The following PTGFR variants were observed in gnomAD, a reference collection of about 807,000 sequenced individuals.
PTGFR encodes the protein prostaglandin F receptor.
Under a neutral mutation model 26.2 loss-of-function variants are expected in PTGFR, and 15 were observed. The observed-to-expected ratio is 0.57, with a 90% confidence interval of 0.38 to 0.88. The LOEUF (loss-of-function observed/expected upper bound fraction) is 0.88, where lower values mean the gene tolerates loss of function less well. PTGFR is among the 40% of genes least tolerant of loss of function. The pLI, the probability that PTGFR is intolerant of heterozygous loss-of-function variation, is 0.00. For missense variants in PTGFR, 369 were observed against 427.2 expected (o/e 0.86, Z 1.20); for synonymous variants, 165 against 151.1 (o/e 1.09, Z -0.68).
intron 2 of PTGFR, among the ~76,000 whole-genome samples, chr1:78,535,285 G>A (rs1027470109): frequency 2.6e-5 from 4 of 152,078 alleles, no homozygotes; most frequent in Non-Finnish European, 5.9e-5. Flanking sequence ...GAATTTGCAG[G>A]GGAGATGAGA....
intron 2 of PTGFR, among the ~76,000 whole-genome samples, chr1:78,517,088 C>T (rs1650104786): frequency 6.6e-6 from 1 of 152,008 alleles, no homozygotes; most frequent in South Asian, 2.1e-4. Flanking sequence ...TTTTAAAGAG[C>T]CAAAGATAGA....
intron 2 of PTGFR, among the ~76,000 whole-genome samples, chr1:78,532,682 C>T (rs751447913): frequency 6.6e-6 from 1 of 151,680 alleles, no homozygotes; most frequent in Middle Eastern, 3.4e-3. Context: ...ATTCTCGTGC[C>T]TCAGCCTCCT....
At chr1:78,518,858 C>A (rs1650158146) in intron 2 of PTGFR, among the ~76,000 whole-genome samples, 1 of 151,944 alleles carries the variant, frequency 6.6e-6, no homozygotes, top group Non-Finnish European at 1.5e-5. Context: ...AAATCGAGTA[C>A]CCTGCAGAAG....
At chr1:78,501,699 G>A (rs1649710274) in intron 2 of PTGFR, among the ~76,000 whole-genome samples, 1 of 152,182 alleles carries the variant, frequency 6.6e-6, no homozygotes, top group African/African-American at 2.4e-5. Context: ...ATAGTCCCAA[G>A]TCAAGTCTTC....
At chr1:78,495,115 T>A (rs1259148823) in intron 2 of PTGFR, among the ~76,000 whole-genome samples, 1 of 152,222 alleles carries the variant, frequency 6.6e-6, no homozygotes, top group African/African-American at 2.4e-5. Flanking sequence ...ATATTTTTTG[T>A]GTTGTTCCTG....
chr1:78,511,220 C>T (rs998087146), intron 2 of PTGFR, among the ~76,000 whole-genome samples: 1 of 152,192 alleles, frequency 6.6e-6, no homozygotes, highest in Non-Finnish European at 1.5e-5. Flanking sequence ...GGGCTCCAAC[C>T]CAAAACTTTT....
intron 2 of PTGFR, among the ~76,000 whole-genome samples, chr1:78,515,721 T>C (rs1415807717): frequency 6.6e-6 from 1 of 152,228 alleles, no homozygotes; most frequent in Non-Finnish European, 1.5e-5. Context: ...TAATTCTATA[T>C]GACCATAGAT....
intron 2 of PTGFR, among the ~76,000 whole-genome samples, chr1:78,518,425 A>T (rs2100381126): frequency 6.6e-6 from 1 of 152,088 alleles, no homozygotes; most frequent in South Asian, 2.1e-4. Context: ...TATACACACA[A>T]AAAATTAGGC....
intron 2 of PTGFR, among the ~76,000 whole-genome samples, chr1:78,510,082 G>A (rs1460607603): frequency 6.6e-6 from 1 of 152,172 alleles, no homozygotes; most frequent in Non-Finnish European, 1.5e-5. Flanking sequence ...TAAAAATCAT[G>A]CATCACAGTG....
At chr1:78,497,780 C>T in intron 2 of PTGFR, 2 of 819,106 alleles carry the variant, frequency 2.4e-6, no homozygotes, top group South Asian at 3.1e-5. Context: ...TAATTTTAAT[C>T]TGTTCCCTAA....
chr1:78,517,670 T>C lies in PTGFR; in HGVS notation c.799-18736T>C, dbSNP rs12089387. 7.6e-3 allele frequency among the ~76,000 whole-genome samples: 1,154 copies of C among 152,052 alleles called. 10 individuals are homozygous for C. Among genetic ancestry groups the C allele is most frequent in the African/African-American group, 0.027 (1,107 of 41,472 alleles). On this transcript the variant is annotated intron_variant, in intron 2 of 2. Coordinates refer to ENST00000370757, the MANE Select transcript of PTGFR (RefSeq NM_000959.4). The stretch of plus-strand genomic sequence containing the variant: ...GCAAGGGGAGCATAGATGAAGGTGG[T>C]AGAATTTGAGGACACAGAAGAAGGT...
chr1:78,525,446 A>C (rs1318287987), intron 2 of PTGFR, among the ~76,000 whole-genome samples: 1 of 152,044 alleles, frequency 6.6e-6, no homozygotes, highest in Non-Finnish European at 1.5e-5. Flanking sequence ...ACAGACTCCT[A>C]TGGTGAGGTC....
intron 2 of PTGFR, among the ~76,000 whole-genome samples, chr1:78,523,178 C>A (rs1570291708): frequency 6.6e-6 from 1 of 152,056 alleles, no homozygotes; most frequent in South Asian, 2.1e-4. Context: ...CTGAGATGAA[C>A]AACTTGTAGG....
intron 2 of PTGFR, among the ~76,000 whole-genome samples, chr1:78,528,273 GAAGT>G (rs1261417368): frequency 1.5e-5 from 1 of 67,424 alleles, no homozygotes; most frequent in Non-Finnish European, 2.7e-5. Flanking sequence ...TAACTCCAGA[GAAGT>G]AAGTTCAGAA....
chr1:78,498,309 C>T (rs1649607604), intron 2 of PTGFR, among the ~76,000 whole-genome samples: 4 of 151,954 alleles, frequency 2.6e-5, no homozygotes, highest in Admixed American at 2.6e-4. Flanking sequence ...TGCCTCAATA[C>T]CCAAAGGATG....
At chr1:78,519,700 C>A (rs1650178197) in intron 2 of PTGFR, among the ~76,000 whole-genome samples, 1 of 152,098 alleles carries the variant, frequency 6.6e-6, no homozygotes, top group African/African-American at 2.4e-5. Flanking sequence ...ATCCTGTGAA[C>A]AAGTGCCCAT....
intron 2 of PTGFR, among the ~76,000 whole-genome samples, chr1:78,507,095 A>G (rs1649843606): frequency 6.6e-6 from 1 of 152,184 alleles, no homozygotes; most frequent in South Asian, 2.1e-4. Flanking sequence ...GTCAGAATTT[A>G]TATATAATAT....
At chr1:78,528,486 A>G (rs1251251803) in intron 2 of PTGFR, among the ~76,000 whole-genome samples, 1 of 151,988 alleles carries the variant, frequency 6.6e-6, no homozygotes, top group Non-Finnish European at 1.5e-5. Flanking sequence ...AACTAGACTC[A>G]TATTATGCTT....
chr1:78,491,799 C>T (rs989700147), intron 1 of PTGFR, among the ~76,000 whole-genome samples: 1 of 152,150 alleles, frequency 6.6e-6, no homozygotes, highest in Non-Finnish European at 1.5e-5. Context: ...TCCCAGCCTC[C>T]GGGAAAGCTA....
Sources: gnomAD v4.1 joint callset for allele counts (sites outside exome capture counted in the v4.1 genomes callset) on GRCh38, gnomAD v4.1.1 for gene constraint, MANE v1.5 for transcripts, NCBI Gene and HGNC (gene_info 2026-07-23, HGNC 2026-07-21) for gene names.